The following ROBO1 variants were observed in gnomAD, a reference collection of about 807,000 sequenced individuals.
ROBO1 encodes roundabout homolog 1.
ROBO1 carries 149 observed loss-of-function variants against 195.9 expected under a neutral mutation model. That is an observed-to-expected ratio of 0.76 (90% CI 0.67 to 0.87). The LOEUF is 0.87. Among genes scored for constraint, ROBO1 ranks in the 40% least tolerant of loss-of-function variants. ROBO1 has a pLI of 0.00. For synonymous variants in ROBO1, 816 were observed against 733.2 expected, an observed-to-expected ratio of 1.11 and a Z score of -1.82; for missense variants, 1,933 against 2,068.3, an observed-to-expected ratio of 0.93 and a Z score of 1.27.
rs1206408435 is a variant in ROBO1, at chr3:79,413,211, A to T, written c.88+176613T>A. On this transcript the variant is annotated intron_variant, in intron 2 of 30. Coordinates refer to ENST00000464233, the MANE Select transcript of ROBO1 (RefSeq NM_002941.4). Reference sequence around the variant, plus strand: ...CTCACATGGCTGCCAAAATATATTTAAAAAACATGTAACTGATAATGGGCT... The same window carrying T: ...CTCACATGGCTGCCAAAATATATTTTAAAAACATGTAACTGATAATGGGCT... Among the ~76,000 whole-genome samples the T allele has an allele frequency of 2.6e-5, 4 of 152,086 alleles. 1 individual carries two copies. Among genetic ancestry groups the T allele is most frequent in the African/African-American group, 9.7e-5 (4 of 41,432 alleles).
intron 2 of ROBO1, among the ~76,000 whole-genome samples, chr3:79,434,655 C>A (rs151327523): frequency 0.02 from 2,994 of 152,174 alleles, 88 homozygotes; most frequent in African/African-American, 0.067. Flanking sequence ...GACAGTGTGG[C>A]GATTCCTCAA....
chr3:79,622,255 C>A (rs1462236728), intron 1 of ROBO1, among the ~76,000 whole-genome samples: 2 of 152,192 alleles, frequency 1.3e-5, no homozygotes, highest in Admixed American at 6.5e-5. Flanking sequence ...GTGTCCCAAC[C>A]CTGGAACGCA....
intron 3 of ROBO1, among the ~76,000 whole-genome samples, chr3:78,971,134 A>G (rs2076755766): frequency 6.6e-6 from 1 of 152,114 alleles, no homozygotes; most frequent in Admixed American, 6.6e-5. Context: ...GCTCATGCCC[A>G]TAATCCCAGC....
At chr3:79,189,983 T>C (rs557005697) in intron 2 of ROBO1, among the ~76,000 whole-genome samples, 25 of 151,844 alleles carry the variant, frequency 1.6e-4, no homozygotes, top group African/African-American at 6.0e-4. Context: ...ATTTCTATAC[T>C]ATACATCCCA....
intron 4 of ROBO1, among the ~76,000 whole-genome samples, chr3:78,822,638 C>A (rs2031124771): frequency 6.6e-6 from 1 of 152,140 alleles, no homozygotes; most frequent in South Asian, 2.1e-4. Context: ...TATAAGAATA[C>A]ATGGTTTCCT....
intron 2 of ROBO1, among the ~76,000 whole-genome samples, chr3:79,252,158 G>A (rs1024136573): frequency 2.6e-5 from 4 of 151,958 alleles, no homozygotes; most frequent in Non-Finnish European, 5.9e-5. Flanking sequence ...ATTATTTCTG[G>A]TCATATATTG....
intron 2 of ROBO1, among the ~76,000 whole-genome samples, chr3:79,315,795 G>A (rs1167973477): frequency 1.3e-5 from 2 of 152,172 alleles, no homozygotes; most frequent in Non-Finnish European, 2.9e-5. Flanking sequence ...TTTGGCAACT[G>A]CCAACATACA....
At chr3:78,997,417 T>C (rs1332712496) in intron 3 of ROBO1, among the ~76,000 whole-genome samples, 1 of 152,128 alleles carries the variant, frequency 6.6e-6, no homozygotes, top group Non-Finnish European at 1.5e-5. Flanking sequence ...GGTGATCCAT[T>C]CTAAGCATTC....
chr3:79,612,659 G>A (rs1373350328), intron 1 of ROBO1, among the ~76,000 whole-genome samples: 2 of 144,234 alleles, frequency 1.4e-5, no homozygotes, highest in Admixed American at 7.0e-5. Flanking sequence ...GTGTAAAAGT[G>A]TTCCTATTTC....
intron 26 of ROBO1, among the ~76,000 whole-genome samples, chr3:78,621,282 G>C (rs756929553): frequency 6.6e-6 from 1 of 151,988 alleles, no homozygotes; most frequent in Non-Finnish European, 1.5e-5. Flanking sequence ...TACAGTCTTT[G>C]TCAGCATACA....
At chr3:78,877,119 G>GA (rs577500154) in intron 4 of ROBO1, among the ~76,000 whole-genome samples, 207 of 152,162 alleles carry the variant, frequency 1.4e-3, no homozygotes, top group African/African-American at 4.9e-3. Flanking sequence ...ATAGATAAAT[G>GA]AAAATTAAAA....
At chr3:79,363,249 C>T (rs948779194) in intron 2 of ROBO1, among the ~76,000 whole-genome samples, 3 of 152,172 alleles carry the variant, frequency 2.0e-5, no homozygotes, top group Non-Finnish European at 4.4e-5. Flanking sequence ...AACACAGAAA[C>T]AGCTGTGATT....
At chr3:79,191,533 A>T (rs1280037879) in intron 2 of ROBO1, among the ~76,000 whole-genome samples, 1 of 151,376 alleles carries the variant, frequency 6.6e-6, no homozygotes, top group Admixed American at 6.6e-5. Flanking sequence ...CACATTAAGG[A>T]TTCAAACAAT....
rs535006937 is a variant in ROBO1 at position 79,044,707 on chromosome 3, T to A, written c.172+80749A>T. ...ATAGTGAAACACAGTCAGCTTTTTTTAAAAAAAAGTTAAATAACTTAACTA... is the reference window on the plus strand; with the variant it reads ...ATAGTGAAACACAGTCAGCTTTTTTAAAAAAAAAGTTAAATAACTTAACTA... On this transcript the variant is annotated intron_variant, in intron 3 of 30. Transcript: ENST00000464233. Among the ~76,000 whole-genome samples the A allele has an allele frequency of 3.2e-4, 48 of 151,908 alleles. No individual in the cohort carries two copies. The East Asian group carries it at 3.9e-3, about 12-fold the overall frequency.
intron 1 of ROBO1, among the ~76,000 whole-genome samples, chr3:79,743,481 A>G (rs543883986): frequency 1.3e-5 from 2 of 152,266 alleles, no homozygotes; most frequent in African/African-American, 4.8e-5. Flanking sequence ...AAGATCTAGG[A>G]TATTGCTATA....
rs149844298 is a variant in ROBO1, at chr3:79,490,507, C to T, written c.88+99317G>A. Among the ~76,000 whole-genome samples, 56 of 152,188 alleles carry T rather than the reference C, an allele frequency of 3.7e-4. No homozygotes were observed. In the East Asian group the frequency reaches 7.7e-3, roughly 21 times the overall value. ...TAAAAAGGAACAGCCAGAAAACAGG[C>T]GCAGAAGAAGCCGAGAAGGAGGAAA... On this transcript the variant is annotated intron_variant, in intron 2 of 30. Transcript: ENST00000464233.
chr3:79,665,997 C>T (rs1209557800), intron 1 of ROBO1, among the ~76,000 whole-genome samples: 5 of 151,576 alleles, frequency 3.3e-5, no homozygotes, highest in Non-Finnish European at 7.4e-5. Context: ...ATTTGAAATA[C>T]ATATAGAAAA....
chr3:79,441,825 A>C (rs2039064070), intron 2 of ROBO1, among the ~76,000 whole-genome samples: 1 of 152,158 alleles, frequency 6.6e-6, no homozygotes, highest in African/African-American at 2.4e-5. Context: ...CTCTAAAGGC[A>C]TGAATCTGTG....
intron 3 of ROBO1, among the ~76,000 whole-genome samples, chr3:79,032,193 A>T (rs2108305617): frequency 6.6e-6 from 1 of 152,180 alleles, no homozygotes; most frequent in South Asian, 2.1e-4. Context: ...ACCTTATAAC[A>T]ACGATATGTA....
Sources: gnomAD v4.1 joint callset for allele counts (sites outside exome capture counted in the v4.1 genomes callset) on GRCh38, gnomAD v4.1.1 for gene constraint, MANE v1.5 for transcripts, NCBI Gene and HGNC (gene_info 2026-07-23, HGNC 2026-07-21) for gene names.